CD55: variants seen among roughly 807,000 people sequenced by gnomAD.
The protein encoded by CD55 is complement decay-accelerating factor.
A neutral mutation model predicts 45.8 loss-of-function variants in CD55; 41 were observed. The ratio of observed to expected loss-of-function variants is 0.90; its 90% CI spans 0.70 to 1.16. The LOEUF is 1.16. Ranked by LOEUF, CD55 falls within the 50% of genes most tolerant of loss-of-function variation. The pLI is 0.00. For synonymous variants in CD55, 181 were observed against 181.1 expected (o/e 1.00, Z 0.01); for missense variants, 416 against 469.8 (o/e 0.89, Z 1.06).
At chr1:207,335,907 C>T (rs1238093022) in intron 6 of CD55, among the ~76,000 whole-genome samples, 1 of 152,086 alleles carries the variant, frequency 6.6e-6, no homozygotes, top group Non-Finnish European at 1.5e-5. Flanking sequence ...TGCTTTTATC[C>T]TCATTTTACA....
chr1:207,336,067 G>GTTGCTCTGCTGTTA (rs1202263131), intron 6 of CD55, among the ~76,000 whole-genome samples: 1 of 152,120 alleles, frequency 6.6e-6, no homozygotes, highest in Non-Finnish European at 1.5e-5. Flanking sequence ...GACTGAAAAA[G>GTTGCTCTGCTGTTA]TTGCTCTGCT....
chr1:207,334,464 T>A (rs763517393), intron 6 of CD55, among the ~76,000 whole-genome samples: 1 of 152,152 alleles, frequency 6.6e-6, no homozygotes, highest in South Asian at 2.1e-4. Context: ...GTGACAAGGA[T>A]AAATGAATAC....
At position 207,321,938 on chromosome 1, in the gene CD55, ACAG is replaced by A. The variant is rs1002082074; in HGVS notation, c.100+74_100+76del. On this transcript the variant is annotated intron_variant, in intron 1 of 9. Coordinates refer to ENST00000367064, the MANE Select transcript of CD55 (RefSeq NM_000574.5). The stretch of plus-strand genomic sequence containing the variant: ...GTCCAAGTCGGTCTCTGAGACACGC[ACAG>A]GGGCCGGCGACTTGGCAGGTGGGGA... 9.0e-6 allele frequency: 10 copies of A among 1,111,392 alleles called. No individual in the cohort carries two copies. The African/African-American group carries it at 1.4e-4, about 16-fold the overall frequency. 68.8% of individuals were successfully genotyped at this position (1,111,392 alleles called of 1,614,324 possible). A position where few individuals can be genotyped will look rare whatever the true frequency, so the allele number is the denominator to read the frequency against.
intron 9 of CD55, among the ~76,000 whole-genome samples, chr1:207,352,304 A>AT (rs373946947): frequency 0.012 from 1,763 of 150,608 alleles, 32 homozygotes; most frequent in African/African-American, 0.041. Flanking sequence ...CTTTTTAGAC[A>AT]TTTTTTTTTG....
chr1:207,329,044 C>G (rs1654813973), intron 5 of CD55, among the ~76,000 whole-genome samples: 1 of 152,186 alleles, frequency 6.6e-6, no homozygotes, highest in Non-Finnish European at 1.5e-5. Flanking sequence ...CCTCCATTGT[C>G]TGTTGGGTTA....
chr1:207,323,063 A>G (rs1302217480), intron 2 of CD55, among the ~76,000 whole-genome samples: 1 of 152,058 alleles, frequency 6.6e-6, no homozygotes, highest in Non-Finnish European at 1.5e-5. Flanking sequence ...GTAATTGGAT[A>G]GCCAGTACCT....
intron 5 of CD55, among the ~76,000 whole-genome samples, chr1:207,328,017 C>T (rs1166004589): frequency 6.6e-6 from 1 of 152,076 alleles, no homozygotes; most frequent in Non-Finnish European, 1.5e-5. Flanking sequence ...TTTGTTTGAC[C>T]CAGGCAACAT....
At chr1:207,352,564 T>A (rs1188947209) in intron 9 of CD55, among the ~76,000 whole-genome samples, 1 of 152,088 alleles carries the variant, frequency 6.6e-6, no homozygotes, top group Non-Finnish European at 1.5e-5. Flanking sequence ...TAGTAATTAT[T>A]CAACCCAAGT....
intron 9 of CD55, 56 bp from the exon 10 acceptor site, chr1:207,359,490 A>G: frequency 2.1e-6 from 3 of 1,441,820 alleles, no homozygotes; most frequent in Non-Finnish European, 2.8e-6. Context: ...ATTTATCACT[A>G]GTAAATAAAA....
intron 9 of CD55, among the ~76,000 whole-genome samples, chr1:207,351,423 T>C (rs1413193785): frequency 6.6e-6 from 1 of 152,208 alleles, no homozygotes; most frequent in Non-Finnish European, 1.5e-5. Context: ...TGATTATGTG[T>C]CTAACATTGT....
chr1:207,353,993 T>C (rs749853618), intron 9 of CD55: 1 of 1,532,342 alleles, frequency 6.5e-7, no homozygotes, highest in South Asian at 1.2e-5. Flanking sequence ...TGCATTGCAT[T>C]TCCACTTTGT....
intron 9 of CD55, among the ~76,000 whole-genome samples, chr1:207,349,653 G>A (rs1655787712): frequency 6.6e-6 from 1 of 152,140 alleles, no homozygotes; most frequent in Non-Finnish European, 1.5e-5. Flanking sequence ...TTGTGAATAG[G>A]ATTGCATTCT....
intron 9 of CD55, among the ~76,000 whole-genome samples, chr1:207,357,863 A>G (rs1172570157): frequency 6.6e-6 from 1 of 152,194 alleles, no homozygotes; most frequent in Non-Finnish European, 1.5e-5. Flanking sequence ...TACCTATGAG[A>G]TAAAGTTTAA....
chr1:207,337,268 C>A, intron 7 of CD55, 61 bp from the exon 8 acceptor site: 1 of 1,054,190 alleles, frequency 9.5e-7, no homozygotes, highest in Non-Finnish European at 1.5e-6. Context: ...CACTAATGTA[C>A]ATTCCCCAGT....
chr1:207,359,617 AAG>A lies in CD55; in HGVS notation c.*10_*11del, dbSNP rs897563274. ...CATGGGCTTGCTGACTTAGCCAAAGAAGAGTTAAGAAGAAAATACACACAAGT... is the reference window on the plus strand; with the variant it reads ...CATGGGCTTGCTGACTTAGCCAAAGAAGTTAAGAAGAAAATACACACAAGT... On this transcript the variant is annotated 3_prime_UTR_variant, in exon 10 of 10. Transcript: ENST00000367064. 1.9e-6 allele frequency: 3 copies of A among 1,585,432 alleles called. No individual in the cohort carries two copies. Among genetic ancestry groups the A allele is most frequent in the Non-Finnish European group, 2.6e-6 (3 of 1,169,790 alleles).
intron 7 of CD55, 169 bp from the exon 8 acceptor site, chr1:207,337,160 A>G: frequency 1.6e-6 from 1 of 614,260 alleles, no homozygotes; most frequent in Non-Finnish European, 2.9e-6. Flanking sequence ...GAATCCCATG[A>G]TGACAAATGC....
chr1:207,329,751 A>G (rs1197365063), intron 5 of CD55, among the ~76,000 whole-genome samples: 1 of 152,088 alleles, frequency 6.6e-6, no homozygotes, highest in Non-Finnish European at 1.5e-5. Flanking sequence ...AGCTGGGACT[A>G]TAGGTGCACA....
chr1:207,340,077 G>T (rs943448240), intron 9 of CD55, among the ~76,000 whole-genome samples: 1 of 151,992 alleles, frequency 6.6e-6, no homozygotes, highest in Non-Finnish European at 1.5e-5. Flanking sequence ...CTATCTAATT[G>T]TATGTTTATA....
At chr1:207,322,293 T>C (rs1217907874) in intron 1 of CD55, 89 bp from the exon 2 acceptor site, 1 of 1,030,826 alleles carries the variant, frequency 9.7e-7, no homozygotes, top group Non-Finnish European at 1.5e-6. Context: ...CTTTCAGGTG[T>C]GGCATTTCAA....
Sources: gnomAD v4.1 joint callset for allele counts (sites outside exome capture counted in the v4.1 genomes callset) on GRCh38, gnomAD v4.1.1 for gene constraint, MANE v1.5 for transcripts, NCBI Gene and HGNC (gene_info 2026-07-23, HGNC 2026-07-21) for gene names.